Variants in TSPAN14 observed in about 807,000 individuals in gnomAD.
TSPAN14 encodes the protein tetraspanin 14.
In TSPAN14, 16 loss-of-function variants were observed where a neutral mutation model predicts 36.6. The observed-to-expected ratio is 0.44, with a 90% confidence interval of 0.30 to 0.66. TSPAN14 has a LOEUF of 0.66. TSPAN14 is among the 30% of genes least tolerant of loss of function. The pLI is 0.12. For missense variants in TSPAN14, 231 were observed against 355.1 expected, an observed-to-expected ratio of 0.65 and a Z score of 2.81; for synonymous variants, 139 against 143.8, an observed-to-expected ratio of 0.97 and a Z score of 0.24.
intron 1 of TSPAN14, among the ~76,000 whole-genome samples, chr10:80,476,747 T>C (rs538203167): frequency 6.6e-6 from 1 of 152,272 alleles, no homozygotes; most frequent in African/African-American, 2.4e-5. Flanking sequence ...TGTTTTTTTT[T>C]ATATTTTTCA....
intron 1 of TSPAN14, among the ~76,000 whole-genome samples, chr10:80,479,007 CA>C: frequency 6.6e-6 from 1 of 152,070 alleles, no homozygotes; most frequent in Non-Finnish European, 1.5e-5. Context: ...GATGGTATCT[CA>C]TTGTGGTTTT....
intron 2 of TSPAN14, among the ~76,000 whole-genome samples, chr10:80,491,297 T>C (rs541299271): frequency 6.6e-6 from 1 of 152,318 alleles, no homozygotes; most frequent in East Asian, 1.9e-4. Context: ...ATCCTCATGA[T>C]GTATGGCTTC....
At chr10:80,474,117 G>C (rs1353427132) in intron 1 of TSPAN14, among the ~76,000 whole-genome samples, 2 of 152,004 alleles carry the variant, frequency 1.3e-5, no homozygotes, top group African/African-American at 4.8e-5. Flanking sequence ...GGTGCTACTA[G>C]AGGTGCAGCA....
chr10:80,494,138 A>T (rs913751592), intron 2 of TSPAN14, among the ~76,000 whole-genome samples: 3 of 152,142 alleles, frequency 2.0e-5, no homozygotes, highest in African/African-American at 4.8e-5. Flanking sequence ...GTTTAAAAAA[A>T]TTTTTTTTAA....
At chr10:80,521,178 A>G (rs1355858986) in exon 9 of TSPAN14, 1 of 231,642 alleles carries the variant, frequency 4.3e-6, no homozygotes, top group Non-Finnish European at 8.7e-6. Context: ...GAAGGCTCCC[A>G]GCAGAGCAGA....
At chr10:80,464,221 C>T (rs1254526824) in intron 1 of TSPAN14, among the ~76,000 whole-genome samples, 2 of 152,242 alleles carry the variant, frequency 1.3e-5, no homozygotes, top group South Asian at 2.1e-4. Context: ...CGGCCTCCTT[C>T]TCTGGCCTCC....
chr10:80,506,779 T>C (rs557561633), intron 3 of TSPAN14, among the ~76,000 whole-genome samples: 2 of 152,382 alleles, frequency 1.3e-5, no homozygotes, highest in East Asian at 3.9e-4. Flanking sequence ...TGGCCTGCCC[T>C]TGGGCGTGTT....
At chr10:80,456,194 A>G (rs1338962225) in intron 1 of TSPAN14, among the ~76,000 whole-genome samples, 1 of 152,144 alleles carries the variant, frequency 6.6e-6, no homozygotes, top group African/African-American at 2.4e-5. Context: ...ATAGGTGCTC[A>G]GTAGTGTTTA....
rs765173078 is a variant in TSPAN14 at position 80,466,479 on chromosome 10, CTCA to C, written c.-18+12111_-18+12113del. On this transcript the variant is annotated intron_variant, in intron 1 of 8. Coordinates refer to ENST00000429989, the Ensembl canonical transcript of TSPAN14. ...CAATGTTGCCTTGGCTGGTCTCGAACTCATCTTCTGGGTTCAAGCTGTCCGTCT... is the reference window on the plus strand; with the variant it reads ...CAATGTTGCCTTGGCTGGTCTCGAACTCTTCTGGGTTCAAGCTGTCCGTCT... 8 of 152,276 alleles carry C rather than the reference CTCA, an allele frequency of 5.3e-5. 1 individual carries two copies. The highest frequency in any genetic ancestry group is 8.8e-5 in the Non-Finnish European group (6 of 68,022). The allele number at this position is 152,276 out of a possible 1,614,324, so 9.4% of individuals were successfully genotyped here. A position where few individuals can be genotyped will look rare whatever the true frequency, so the allele number is the denominator to read the frequency against.
intron 4 of TSPAN14, 37 bp downstream of exon 4, chr10:80,507,411 A>G: frequency 6.2e-7 from 1 of 1,613,890 alleles, no homozygotes; most frequent in Non-Finnish European, 8.5e-7. Context: ...GATAGGATGC[A>G]ATGGGGTACA....
intron 1 of TSPAN14, among the ~76,000 whole-genome samples, chr10:80,479,613 C>A (rs565654751): frequency 1.3e-5 from 2 of 152,124 alleles, no homozygotes; most frequent in Admixed American, 1.3e-4. Context: ...AGATATGTGG[C>A]GTTATTTCTG....
intron 1 of TSPAN14, among the ~76,000 whole-genome samples, chr10:80,467,677 G>T (rs1185122747): frequency 6.6e-6 from 1 of 152,072 alleles, no homozygotes; most frequent in Non-Finnish European, 1.5e-5. Flanking sequence ...CTTTTCCTGG[G>T]CATTTCTTCC....
Position 80,509,636 on chromosome 10 carries a change from C to T in TSPAN14, c.450+165C>T. ...GCCACTCCACCTCTGGTCTGTTCCA[C>T]TTTGCCGGCTTGTGGTTGCCTGGTG... On this transcript the variant is annotated intron_variant, in intron 5 of 8. Coordinates refer to ENST00000429989, the Ensembl canonical transcript of TSPAN14. This position sits in a 1 kb window ranked among gnomAD's most constrained non-coding sequence, Gnocchi z 4.7. 1 of 716,312 alleles carries T rather than the reference C, an allele frequency of 1.4e-6. No individual in the cohort carries two copies. Among genetic ancestry groups the T allele is most frequent in the South Asian group, 2.0e-5 (1 of 51,216 alleles). The allele number at this position is 716,312 out of a possible 1,614,324, so 44.4% of individuals were successfully genotyped here.
Position 80,514,072 on chromosome 10 carries a change from T to C in TSPAN14, c.621+9T>C, listed in dbSNP as rs758657157. 20 of 1,611,508 alleles carry C rather than the reference T, an allele frequency of 1.2e-5. No individual in the cohort carries two copies. Among genetic ancestry groups the C allele is most frequent in the Admixed American group, 1.7e-5 (1 of 59,956 alleles). On this transcript the variant is annotated intron_variant, in intron 7 of 8. Transcript: ENST00000429989. Reference sequence around the variant, plus strand: ...ATGATGTCAGGATTCAGGTGAGAACTCCCATGTATACAACTTGAAGAGTTC... The same window carrying C: ...ATGATGTCAGGATTCAGGTGAGAACCCCCATGTATACAACTTGAAGAGTTC...
rs113716308 is a variant in TSPAN14, at chr10:80,475,251, G to C, written c.-17-13966G>C. Among the ~76,000 whole-genome samples the C allele has an allele frequency of 4.7e-3, 723 of 152,328 alleles. 8 individuals carry two copies. The highest frequency in any genetic ancestry group is 0.017 in the African/African-American group (690 of 41,578). On this transcript the variant is annotated intron_variant, in intron 1 of 8. Coordinates refer to ENST00000429989, the Ensembl canonical transcript of TSPAN14. ...ATAGAGCTAATCTGGCAATAGGACA[G>C]ATAATGAGCTTTTCTGTAAATCTAA...
intron 2 of TSPAN14, 37 bp from the exon 3 acceptor site, chr10:80,504,691 A>G (rs368194183): frequency 1.4e-5 from 22 of 1,613,704 alleles, no homozygotes; most frequent in Admixed American, 5.0e-5. Context: ...CTGGTTTCCA[A>G]CCTAACTTCC....
rs1840487968 is a variant in TSPAN14, at chr10:80,509,419, C to T, written c.398C>T (p.Ser133Phe). The change falls in exon 5 of 9, where the codon TCC becomes TTC. Residue 133 changes from serine (S) to phenylalanine (F), a missense_variant. Coordinates refer to ENST00000429989, the Ensembl canonical transcript of TSPAN14. The surrounding 1 kb of genome is among the most constrained non-coding windows in gnomAD (Gnocchi z 4.7). ...GAGTTCTTCGAGAGCAACATCAAGT[C>T]CTACCGGGACGATATCGATCTGCAA... is the stretch of plus-strand genomic sequence containing the variant. 1 of 1,614,166 alleles carries T rather than the reference C, an allele frequency of 6.2e-7. No homozygotes were observed. The highest frequency in any genetic ancestry group is 8.5e-7 in the Non-Finnish European group (1 of 1,180,036).
chr10:80,487,107 T>G (rs1448511102), intron 1 of TSPAN14, among the ~76,000 whole-genome samples: 1 of 152,182 alleles, frequency 6.6e-6, no homozygotes, highest in Non-Finnish European at 1.5e-5. Flanking sequence ...TTTGGGACCC[T>G]GTAATTTGAA....
At chr10:80,505,549 T>G (rs752127066) in intron 3 of TSPAN14, among the ~76,000 whole-genome samples, 1 of 152,212 alleles carries the variant, frequency 6.6e-6, no homozygotes, top group Non-Finnish European at 1.5e-5. Context: ...GAACCTCCCT[T>G]TGCTTCCAGC....
Sources: allele counts gnomAD v4.1 joint callset (sites outside exome capture counted in the v4.1 genomes callset), GRCh38; gene constraint gnomAD v4.1.1; non-coding constraint Gnocchi (gnomAD v3.1); transcripts MANE v1.5; gene names NCBI Gene and HGNC (gene_info 2026-07-23, HGNC 2026-07-21).